The following GRK3 variants were observed in gnomAD, a reference collection of about 807,000 sequenced individuals.
GRK3 encodes the protein adrenergic, beta, receptor kinase 2.
Under a neutral mutation model 95.7 loss-of-function variants are expected in GRK3, and 54 were observed. That is an observed-to-expected ratio of 0.56 (90% CI 0.45 to 0.71). The LOEUF (loss-of-function observed/expected upper bound fraction) is 0.71. Among genes scored for constraint, GRK3 ranks in the 30% least tolerant of loss-of-function variants. The pLI is 0.00. For missense variants in GRK3, 649 were observed against 851.2 expected (o/e 0.76, Z 2.96); for synonymous variants, 281 against 290.8 (o/e 0.97, Z 0.34).
rs1568947281 is a variant in GRK3 at position 25,729,071 on chromosome 22, G to A, written c.*6621G>A. ...GGTTCTATCTCTTTTTGTATCTGTT[G>A]TGCCAGGGAAGGTTTATAATCCCTT... On this transcript the variant is annotated 3_prime_UTR_variant, in exon 21 of 21. Transcript: ENST00000324198. 3.3e-5 allele frequency: 5 copies of A among 152,040 alleles called. No individual in the cohort carries two copies. The allele number at this position is 152,040 out of a possible 1,614,324, so 9.4% of individuals were successfully genotyped here. A position where few individuals can be genotyped will look rare whatever the true frequency, so the allele number is the denominator to read the frequency against.
At chr22:25,660,404 G>A (rs2084902019) in intron 3 of GRK3, among the ~76,000 whole-genome samples, 1 of 152,062 alleles carries the variant, frequency 6.6e-6, no homozygotes, top group Non-Finnish European at 1.5e-5. Flanking sequence ...AGGTTTTATT[G>A]TCTTCTTCAA....
At chr22:25,680,721 G>A (rs2085067426) in intron 9 of GRK3, among the ~76,000 whole-genome samples, 1 of 151,978 alleles carries the variant, frequency 6.6e-6, no homozygotes, top group African/African-American at 2.4e-5. Flanking sequence ...AAACTGTATG[G>A]TATTTTTAAA....
At chr22:25,698,733 T>C (rs951784023) in intron 13 of GRK3, among the ~76,000 whole-genome samples, 1 of 151,962 alleles carries the variant, frequency 6.6e-6, no homozygotes, top group African/African-American at 2.4e-5. Context: ...TTCAGTAAGA[T>C]GATTCTGGAA....
intron 1 of GRK3, chr22:25,581,153 G>A (rs1932088163): frequency 1.3e-5 from 2 of 152,122 alleles, no homozygotes; most frequent in African/African-American, 2.4e-5. Flanking sequence ...ATGGAGGGTG[G>A]GGTAGGGAAA....
chr22:25,586,954 A>G (rs1932334863), intron 1 of GRK3, among the ~76,000 whole-genome samples: 1 of 150,480 alleles, frequency 6.6e-6, no homozygotes, highest in African/African-American at 2.4e-5. Flanking sequence ...GCACGATCTC[A>G]GCTCACCACA....
chr22:25,569,352 G>A (rs1448157866), intron 1 of GRK3, among the ~76,000 whole-genome samples: 1 of 152,200 alleles, frequency 6.6e-6, no homozygotes, highest in Non-Finnish European at 1.5e-5. Flanking sequence ...GAAGATGCAA[G>A]GAGTGCGTGT....
At chr22:25,607,095 T>A (rs2084455579) in intron 2 of GRK3, among the ~76,000 whole-genome samples, 1 of 152,200 alleles carries the variant, frequency 6.6e-6, no homozygotes, top group African/African-American at 2.4e-5. Context: ...TGTGTGTGTG[T>A]GTGTATATAT....
chr22:25,670,663 A>G (rs1044539136), intron 6 of GRK3, among the ~76,000 whole-genome samples: 1 of 151,922 alleles, frequency 6.6e-6, no homozygotes, highest in African/African-American at 2.4e-5. Context: ...TGTCTGTGTA[A>G]GGAATCATGC....
chr22:25,571,965 G>T (rs1931713884), intron 1 of GRK3, among the ~76,000 whole-genome samples: 1 of 151,950 alleles, frequency 6.6e-6, no homozygotes, highest in Non-Finnish European at 1.5e-5. Context: ...CCATTAACTT[G>T]TCATTTACAT....
At chr22:25,716,929 G>A (rs567358838) in intron 18 of GRK3, among the ~76,000 whole-genome samples, 3 of 152,166 alleles carry the variant, frequency 2.0e-5, no homozygotes, top group Admixed American at 6.5e-5. Context: ...AACTGCGCAC[G>A]TGAGGGATCT....
chr22:25,608,119 A>G lies in GRK3; in HGVS notation c.190+3666A>G, dbSNP rs371266449. The stretch of plus-strand genomic sequence containing the variant: ...CTCATTGACAATCATTGTCTAAATC[A>G]GTTATTTTATTAGGGATCAACTTAA... On this transcript the variant is annotated intron_variant, in intron 2 of 20. Coordinates refer to ENST00000324198, the MANE Select transcript of GRK3 (RefSeq NM_005160.4). 2.5e-3 allele frequency among the ~76,000 whole-genome samples: 378 copies of G among 150,950 alleles called. 1 individual carries two copies. The highest frequency in any genetic ancestry group is 8.1e-3 in the African/African-American group (328 of 40,560).
chr22:25,719,155 G>A (rs2085410645), intron 19 of GRK3, among the ~76,000 whole-genome samples: 1 of 151,286 alleles, frequency 6.6e-6, no homozygotes, highest in Admixed American at 6.6e-5. Context: ...AGGGATGACT[G>A]TACTGTAATT....
Position 25,621,228 on chromosome 22 carries a change from T to G in GRK3, c.190+16775T>G, listed in dbSNP as rs562998881. The stretch of plus-strand genomic sequence containing the variant: ...AGTGTGGTGTGGTAGGTAATTTCCA[T>G]CTAAAATTTTACTTGCCAACATATA... On this transcript the variant is annotated intron_variant, in intron 2 of 20. Transcript: ENST00000324198. Among the ~76,000 whole-genome samples the G allele has an allele frequency of 7.9e-5, 12 of 152,368 alleles. 1 individual carries two copies. In the South Asian group the frequency reaches 1.7e-3, roughly 21 times the overall value.
chr22:25,569,553 A>C (rs988298890), intron 1 of GRK3, among the ~76,000 whole-genome samples: 2 of 152,192 alleles, frequency 1.3e-5, no homozygotes, highest in Non-Finnish European at 2.9e-5. Context: ...AGTACACCGG[A>C]CTTTGCCAAA....
rs541028729 is a variant in GRK3 at position 25,566,737 on chromosome 22, A to G, written c.113+1584A>G. 1.5e-3 allele frequency among the ~76,000 whole-genome samples: 224 copies of G among 152,318 alleles called. 1 individual carries two copies. Among genetic ancestry groups the G allele is most frequent in the African/African-American group, 5.3e-3 (219 of 41,566 alleles). On this transcript the variant is annotated intron_variant, in intron 1 of 20. Coordinates refer to ENST00000324198, the MANE Select transcript of GRK3 (RefSeq NM_005160.4). Reference sequence around the variant, plus strand: ...GAACAAGAACGCCTACATCAAACCTAAATTTCACCAAAAAAACTGTACATT... The same window carrying G: ...GAACAAGAACGCCTACATCAAACCTGAATTTCACCAAAAAAACTGTACATT...
intron 2 of GRK3, among the ~76,000 whole-genome samples, chr22:25,622,634 C>T (rs550606810): frequency 1.3e-5 from 2 of 152,200 alleles, no homozygotes; most frequent in East Asian, 1.9e-4. Context: ...CTTGACCAGG[C>T]CCGATGTATG....
Position 25,647,350 on chromosome 22 carries a change from T to G in GRK3, c.264+2685T>G, listed in dbSNP as rs2084793070. The G allele has an allele frequency of 2.3e-6, 3 of 1,280,530 alleles. No individual in the cohort carries two copies. The Admixed American group carries it at 5.1e-5, about 22-fold the overall frequency. 79.3% of individuals were successfully genotyped at this position (1,280,530 alleles called of 1,614,324 possible). On this transcript the variant is annotated intron_variant, in intron 3 of 20. Coordinates refer to ENST00000324198, the MANE Select transcript of GRK3 (RefSeq NM_005160.4). The stretch of plus-strand genomic sequence containing the variant: ...AGCCTGTCAGTACAAGGGTGAGCCA[T>G]GGGAGCAGAACCCACTGCAGTGTCA...
At chr22:25,619,692 C>CTGT (rs1451683197) in intron 2 of GRK3, among the ~76,000 whole-genome samples, 1 of 119,704 alleles carries the variant, frequency 8.4e-6, no homozygotes, top group Non-Finnish European at 1.6e-5. Flanking sequence ...TAGGATCTGG[C>CTGT]TGTTGCCCAG....
intron 7 of GRK3, among the ~76,000 whole-genome samples, chr22:25,673,342 G>A (rs1330289314): frequency 1.3e-5 from 2 of 151,428 alleles, no homozygotes; most frequent in East Asian, 1.9e-4. Flanking sequence ...GATTACAGGC[G>A]TGAGCCACCG....
Sources: allele counts gnomAD v4.1 joint callset (sites outside exome capture counted in the v4.1 genomes callset), GRCh38; gene constraint gnomAD v4.1.1; transcripts MANE v1.5; gene names NCBI Gene and HGNC (gene_info 2026-07-23, HGNC 2026-07-21).